ADAMTSL3: variants seen among roughly 807,000 people sequenced by gnomAD.
ADAMTSL3 encodes ADAMTS-like protein 3.
A neutral mutation model predicts 201.7 loss-of-function variants in ADAMTSL3; 128 were observed. The observed-to-expected ratio is 0.63, with a 90% CI of 0.55 to 0.73. ADAMTSL3 has a LOEUF of 0.73. Ranked by LOEUF, ADAMTSL3 falls within the 30% of genes least tolerant of loss-of-function variation. The pLI, the probability that ADAMTSL3 is intolerant of heterozygous loss-of-function variation, is 0.00. For missense variants in ADAMTSL3, 1,990 were observed against 2,119.6 expected (o/e 0.94, Z 1.20); for synonymous variants, 738 against 748.4 (o/e 0.99, Z 0.23).
chr15:83,861,929 A>G (rs2064871804), intron 8 of ADAMTSL3: 1 of 152,214 alleles, frequency 6.6e-6, no homozygotes, highest in Non-Finnish European at 1.5e-5. Flanking sequence ...TCCTTAAAGA[A>G]CCTGATGGAG....
chr15:83,804,532 CACTAGTAAAAGTTTT>C lies in ADAMTSL3; in HGVS notation c.318-115_318-101del, dbSNP rs2063572921. On this transcript the variant is annotated intron_variant, in intron 4 of 29. Transcript: ENST00000286744. ...AACTTTGAATCTTTGGGGTAATGTG[CACTAGTAAAAGTTTT>C]ACAGGGAACCAATGCCTTGTATTTG... is the stretch of plus-strand genomic sequence containing the variant. 4 of 652,440 alleles carry C rather than the reference CACTAGTAAAAGTTTT, an allele frequency of 6.1e-6. No individual in the cohort carries two copies. The South Asian group carries it at 6.2e-5, about 10-fold the overall frequency. The allele number at this position is 652,440 out of a possible 1,614,324, so 40.4% of individuals were successfully genotyped here.
intron 3 of ADAMTSL3, among the ~76,000 whole-genome samples, chr15:83,728,357 A>G (rs1476872631): frequency 6.6e-6 from 1 of 150,760 alleles, no homozygotes; most frequent in Non-Finnish European, 1.5e-5. Flanking sequence ...TTTACATTCA[A>G]TGTTATTATT....
chr15:83,739,864 A>C, intron 3 of ADAMTSL3: 1 of 601,378 alleles, frequency 1.7e-6, no homozygotes. Context: ...ACTGCCTGGA[A>C]CACAGCATCC....
At chr15:83,724,492 A>G (rs1357729338) in intron 3 of ADAMTSL3, among the ~76,000 whole-genome samples, 1 of 152,096 alleles carries the variant, frequency 6.6e-6, no homozygotes, top group African/African-American at 2.4e-5. Flanking sequence ...ATACACAATA[A>G]TCACATCAGG....
chr15:83,731,012 A>G (rs2062258727), intron 3 of ADAMTSL3, among the ~76,000 whole-genome samples: 1 of 152,138 alleles, frequency 6.6e-6, no homozygotes, highest in Non-Finnish European at 1.5e-5. Flanking sequence ...TTTTCCAAAC[A>G]CTATTTATTG....
At chr15:83,754,898 C>A (rs1047922239) in intron 3 of ADAMTSL3, among the ~76,000 whole-genome samples, 3 of 152,114 alleles carry the variant, frequency 2.0e-5, no homozygotes, top group African/African-American at 7.2e-5. Flanking sequence ...TTTAAAATTT[C>A]ATATTTAAAT....
chr15:83,758,320 G>A (rs896777423), intron 3 of ADAMTSL3, among the ~76,000 whole-genome samples: 6 of 152,212 alleles, frequency 3.9e-5, no homozygotes, highest in Admixed American at 3.9e-4. Context: ...CTTACATGGT[G>A]GCAGGCAAAG....
intron 20 of ADAMTSL3, among the ~76,000 whole-genome samples, chr15:83,974,776 A>T (rs1047547864): frequency 1.3e-5 from 2 of 152,168 alleles, no homozygotes; most frequent in Non-Finnish European, 1.5e-5. Context: ...TAGATTTTTT[A>T]AATTATGACT....
chr15:84,017,452 G>C (rs1356276662), intron 25 of ADAMTSL3, among the ~76,000 whole-genome samples: 1 of 152,100 alleles, frequency 6.6e-6, no homozygotes, highest in Non-Finnish European at 1.5e-5. Flanking sequence ...TGTTGTACTC[G>C]TTATATAGGA....
chr15:83,937,775 A>G (rs982175853), intron 17 of ADAMTSL3, among the ~76,000 whole-genome samples: 13 of 151,142 alleles, frequency 8.6e-5, no homozygotes, highest in Non-Finnish European at 8.8e-5. Context: ...TAAAATTTCT[A>G]GAATTCAAAA....
intron 4 of ADAMTSL3, among the ~76,000 whole-genome samples, chr15:83,782,420 T>C (rs889350984): frequency 6.6e-6 from 1 of 152,056 alleles, no homozygotes; most frequent in African/African-American, 2.4e-5. Flanking sequence ...GATGTTGCAG[T>C]GAGTAGAGAT....
At chr15:83,691,985 A>G (rs770145442) in intron 2 of ADAMTSL3, among the ~76,000 whole-genome samples, 8 of 152,240 alleles carry the variant, frequency 5.3e-5, no homozygotes, top group Non-Finnish European at 7.3e-5. Context: ...AAAGAAAAGT[A>G]TTCATAATTC....
chr15:83,821,703 T>G (rs1029839728), intron 6 of ADAMTSL3, among the ~76,000 whole-genome samples: 4 of 152,218 alleles, frequency 2.6e-5, no homozygotes, highest in Non-Finnish European at 5.9e-5. Context: ...TTCCCCACTT[T>G]CTATTCCACA....
intron 6 of ADAMTSL3, among the ~76,000 whole-genome samples, chr15:83,830,546 A>G (rs538710823): frequency 3.3e-5 from 5 of 152,350 alleles, no homozygotes; most frequent in African/African-American, 1.2e-4. Flanking sequence ...TTTTGACTAA[A>G]GATCACTGGC....
At chr15:83,691,810 C>T (rs1237725882) in intron 2 of ADAMTSL3, among the ~76,000 whole-genome samples, 1 of 152,078 alleles carries the variant, frequency 6.6e-6, no homozygotes, top group Non-Finnish European at 1.5e-5. Flanking sequence ...AGACGGGTTT[C>T]ACCACGTTGG....
In ADAMTSL3 at chr15:83,795,197, A is replaced by T. The variant is rs563083050; in HGVS notation, c.318-9453A>T. Among the ~76,000 whole-genome samples the T allele has an allele frequency of 3.3e-5, 5 of 152,172 alleles. No homozygotes were observed. The East Asian group carries it at 7.7e-4, about 24-fold the overall frequency. On this transcript the variant is annotated intron_variant, in intron 4 of 29. Coordinates refer to ENST00000286744, the MANE Select transcript of ADAMTSL3 (RefSeq NM_207517.3). ...ATAGAAGATTTAATTTAATTTTAAA[A>T]AACTAGAAATGCCAGGCAAAATAGG... is the stretch of plus-strand genomic sequence containing the variant.
chr15:83,830,947 A>G (rs772230965), intron 6 of ADAMTSL3, among the ~76,000 whole-genome samples: 18 of 152,164 alleles, frequency 1.2e-4, no homozygotes, highest in Non-Finnish European at 1.6e-4. Context: ...ATGAACAAGA[A>G]TATATGTTGC....
At chr15:84,033,594 G>A (rs1329914268) in intron 28 of ADAMTSL3, among the ~76,000 whole-genome samples, 1 of 152,184 alleles carries the variant, frequency 6.6e-6, no homozygotes, top group Non-Finnish European at 1.5e-5. Flanking sequence ...GGGAGGTGGA[G>A]GCTGCAGTGA....
At chr15:83,779,427 A>C (rs2063130664) in intron 4 of ADAMTSL3, among the ~76,000 whole-genome samples, 1 of 152,100 alleles carries the variant, frequency 6.6e-6, no homozygotes, top group African/African-American at 2.4e-5. Flanking sequence ...GGCTGGGTGC[A>C]GTGGCTCATG....
Sources: allele counts gnomAD v4.1 joint callset (sites outside exome capture counted in the v4.1 genomes callset), GRCh38; gene constraint gnomAD v4.1.1; transcripts MANE v1.5; gene names NCBI Gene and HGNC (gene_info 2026-07-23, HGNC 2026-07-21).